Variants in NEGR1 observed in about 807,000 individuals in gnomAD.
NEGR1 encodes IgLON family member 4.
NEGR1 carries 10 observed loss-of-function variants against 40.9 expected under a neutral mutation model. That is an observed-to-expected ratio of 0.24 (90% confidence interval 0.15 to 0.42). The LOEUF is 0.42. Ranked by LOEUF, NEGR1 falls within the 10% of genes least tolerant of loss-of-function variation. The pLI is 1.00. For missense variants in NEGR1, 352 were observed against 438.9 expected, an observed-to-expected ratio of 0.80 and a Z score of 1.77; for synonymous variants, 185 against 166.8, an observed-to-expected ratio of 1.11 and a Z score of -0.84.
chr1:72,191,826 G>A (rs907001399), intron 1 of NEGR1, among the ~76,000 whole-genome samples: 1 of 151,810 alleles, frequency 6.6e-6, no homozygotes, highest in African/African-American at 2.4e-5. Flanking sequence ...CCATGGGGTA[G>A]AGGGAAACAG....
intron 4 of NEGR1, among the ~76,000 whole-genome samples, chr1:71,636,700 G>T (rs1293885479): frequency 2.6e-5 from 4 of 152,022 alleles, no homozygotes; most frequent in African/African-American, 9.7e-5. Flanking sequence ...ATTGTGGAGT[G>T]GCTGTCATAT....
At chr1:72,048,198 T>G (rs1019485733) in intron 1 of NEGR1, among the ~76,000 whole-genome samples, 40 of 151,716 alleles carry the variant, frequency 2.6e-4, no homozygotes, top group African/African-American at 9.6e-4. Context: ...TTCCTTATTA[T>G]CCTCTACTAG....
chr1:71,640,772 T>G (rs1190163707), intron 4 of NEGR1, among the ~76,000 whole-genome samples: 2 of 152,028 alleles, frequency 1.3e-5, no homozygotes, highest in Non-Finnish European at 2.9e-5. Context: ...CTACTCTAAC[T>G]TGGAGTGACC....
chr1:72,217,454 A>C (rs1372310024), intron 1 of NEGR1, among the ~76,000 whole-genome samples: 2 of 151,800 alleles, frequency 1.3e-5, no homozygotes, highest in Non-Finnish European at 2.9e-5. Context: ...ATAAGTAAGG[A>C]CTTTCTGAGA....
intron 3 of NEGR1, among the ~76,000 whole-genome samples, chr1:71,744,885 T>G (rs1655335178): frequency 6.6e-6 from 1 of 151,916 alleles, no homozygotes; most frequent in East Asian, 1.9e-4. Context: ...ATAAATACCT[T>G]TGGTGGAAAT....
chr1:71,523,323 A>G (rs929864720), intron 6 of NEGR1, among the ~76,000 whole-genome samples: 1 of 151,934 alleles, frequency 6.6e-6, no homozygotes, highest in African/African-American at 2.4e-5. Flanking sequence ...TCCTTAACAC[A>G]TGAAATATTT....
At chr1:71,773,661 TGTAA>T (rs527613323) in intron 3 of NEGR1, among the ~76,000 whole-genome samples, 78 of 152,312 alleles carry the variant, frequency 5.1e-4, no homozygotes, top group Non-Finnish European at 9.0e-4. Context: ...TTGAAATTAT[TGTAA>T]GTGTTTATAA....
intron 4 of NEGR1, among the ~76,000 whole-genome samples, chr1:71,644,243 C>T (rs1368782672): frequency 6.6e-6 from 1 of 151,862 alleles, no homozygotes; most frequent in African/African-American, 2.4e-5. Flanking sequence ...TAGTTTTTCC[C>T]CAGGGTTAGA....
intron 6 of NEGR1, among the ~76,000 whole-genome samples, chr1:71,498,815 C>A (rs1018421516): frequency 1.3e-5 from 2 of 152,108 alleles, no homozygotes; most frequent in African/African-American, 4.8e-5. Flanking sequence ...TCATAGGAGA[C>A]CTGGAGGTCA....
At chr1:71,930,592 T>C (rs1018693263) in intron 2 of NEGR1, among the ~76,000 whole-genome samples, 1 of 152,128 alleles carries the variant, frequency 6.6e-6, no homozygotes, top group African/African-American at 2.4e-5. Context: ...AATAGAATAT[T>C]AATAATAAAT....
chr1:72,165,629 T>G (rs1651738033), intron 1 of NEGR1, among the ~76,000 whole-genome samples: 1 of 152,046 alleles, frequency 6.6e-6, no homozygotes, highest in Non-Finnish European at 1.5e-5. Flanking sequence ...ATTCAATCCA[T>G]CAAGTGCCCC....
chr1:71,743,012 C>T (rs1170348243), intron 3 of NEGR1, among the ~76,000 whole-genome samples: 3 of 152,144 alleles, frequency 2.0e-5, no homozygotes, highest in South Asian at 4.1e-4. Context: ...ATCTCTCTCT[C>T]TCCACTATGT....
chr1:71,452,218 C>T (rs977902961), intron 6 of NEGR1, among the ~76,000 whole-genome samples: 3 of 152,158 alleles, frequency 2.0e-5, no homozygotes, highest in Non-Finnish European at 4.4e-5. Context: ...AGGGTTTAAT[C>T]TCATATCCTT....
At chr1:71,505,364 C>T (rs1362062341) in intron 6 of NEGR1, among the ~76,000 whole-genome samples, 3 of 152,042 alleles carry the variant, frequency 2.0e-5, no homozygotes, top group Non-Finnish European at 4.4e-5. Flanking sequence ...TCACTGCAAG[C>T]TCCACCTGCC....
chr1:71,457,143 T>C (rs1557532603), intron 6 of NEGR1, among the ~76,000 whole-genome samples: 1 of 152,168 alleles, frequency 6.6e-6, no homozygotes. Flanking sequence ...ATCTCACTTC[T>C]ACCCTTTGTC....
chr1:72,281,809 G>T (rs1460610837), intron 1 of NEGR1, among the ~76,000 whole-genome samples: 1 of 151,952 alleles, frequency 6.6e-6, no homozygotes, highest in Non-Finnish European at 1.5e-5. Flanking sequence ...AGAGAATGAG[G>T]AAGGAGAAAA....
intron 1 of NEGR1, among the ~76,000 whole-genome samples, chr1:72,072,616 A>G (rs1355561391): frequency 6.6e-6 from 1 of 152,148 alleles, no homozygotes; most frequent in Non-Finnish European, 1.5e-5. Flanking sequence ...TCAGAATAAA[A>G]GCTGAGAAAA....
intron 1 of NEGR1, among the ~76,000 whole-genome samples, chr1:72,201,173 C>A (rs1008407440): frequency 1.3e-5 from 2 of 151,632 alleles, no homozygotes; most frequent in Non-Finnish European, 2.9e-5. Context: ...AGCAACAAAA[C>A]AACACATTTC....
chr1:71,819,816 T>C (rs1317898385), intron 2 of NEGR1, among the ~76,000 whole-genome samples: 1 of 151,790 alleles, frequency 6.6e-6, no homozygotes, highest in Non-Finnish European at 1.5e-5. Flanking sequence ...GTCAGGAAAA[T>C]GCTAGAATGA....
Sources: allele counts gnomAD v4.1 joint callset (sites outside exome capture counted in the v4.1 genomes callset), GRCh38; gene constraint gnomAD v4.1.1; transcripts MANE v1.5; gene names NCBI Gene and HGNC (gene_info 2026-07-23, HGNC 2026-07-21).